RAD51B: variants seen among roughly 807,000 people sequenced by gnomAD.
RAD51B encodes the protein RAD51 paralog B, also known as DNA repair protein RAD51 homolog 2.
RAD51B carries 38 observed loss-of-function variants against 42.2 expected under a neutral mutation model. The observed-to-expected ratio is 0.90, with a 90% CI of 0.70 to 1.18. The LOEUF is 1.18. Among genes scored for constraint, RAD51B ranks in the 50% most tolerant of loss-of-function variants. RAD51B has a pLI of 0.00. For synonymous variants in RAD51B, 154 were observed against 145.2 expected (o/e 1.06, Z -0.43); for missense variants, 373 against 400.7 (o/e 0.93, Z 0.59).
intron 7 of RAD51B, among the ~76,000 whole-genome samples, chr14:68,070,576 T>A (rs1480618577): frequency 6.6e-6 from 1 of 152,198 alleles, no homozygotes; most frequent in Admixed American, 6.5e-5. Flanking sequence ...CTGTTGAAGA[T>A]CAGCTAGTTG....
At chr14:67,977,864 C>T (rs1346081849) in intron 7 of RAD51B, among the ~76,000 whole-genome samples, 1 of 152,152 alleles carries the variant, frequency 6.6e-6, no homozygotes, top group African/African-American at 2.4e-5. Context: ...CCAGTTCTTT[C>T]GGCCACTTTA....
intron 8 of RAD51B, among the ~76,000 whole-genome samples, chr14:68,340,268 A>T (rs1382874517): frequency 6.6e-6 from 1 of 152,180 alleles, no homozygotes; most frequent in Admixed American, 6.5e-5. Context: ...TATTCAGAGA[A>T]CCTGCAGACA....
At chr14:67,940,056 T>TATATATA (rs1566969343) in intron 7 of RAD51B, among the ~76,000 whole-genome samples, 27 of 8,642 alleles carry the variant, frequency 3.1e-3, no homozygotes, top group Non-Finnish European at 3.8e-3. Flanking sequence ...ATATATATAT[T>TATATATA]TTTTTTTTTT....
intron 8 of RAD51B, among the ~76,000 whole-genome samples, chr14:68,342,496 G>A (rs1217491559): frequency 3.3e-5 from 5 of 152,136 alleles, no homozygotes; most frequent in African/African-American, 4.8e-5. Flanking sequence ...GACGGGACAG[G>A]GGGCCCTGCC....
At position 67,958,375 on chromosome 14, in the gene RAD51B, G is replaced by A. The variant is rs145978968; in HGVS notation, c.756+71171G>A. ...TTTGAGTGCTTAGCCTGGCTAGGCA[G>A]CAGGCTTTTGCAAACACGGCTATAT... On this transcript the variant is annotated intron_variant, in intron 7 of 10. Transcript: ENST00000471583. 6.2e-4 allele frequency among the ~76,000 whole-genome samples: 95 copies of A among 152,296 alleles called. 1 individual carries two copies. Among genetic ancestry groups the A allele is most frequent in the African/African-American group, 1.9e-3 (77 of 41,562 alleles).
At chr14:67,979,369 T>C (rs1232861583) in intron 7 of RAD51B, among the ~76,000 whole-genome samples, 1 of 152,184 alleles carries the variant, frequency 6.6e-6, no homozygotes, top group Non-Finnish European at 1.5e-5. Context: ...TCAAGACATT[T>C]TAATAGTTTT....
At chr14:68,414,859 T>TA (rs33968049) in intron 9 of RAD51B, among the ~76,000 whole-genome samples, 4,533 of 71,212 alleles carry the variant, frequency 0.064, 204 homozygotes, top group Non-Finnish European at 0.091. Context: ...CCATCTCTAC[T>TA]AAAAAAAAAA....
At chr14:67,825,941 G>A (rs2040817980) in intron 3 of RAD51B, among the ~76,000 whole-genome samples, 1 of 152,010 alleles carries the variant, frequency 6.6e-6, no homozygotes, top group Admixed American at 6.6e-5. Flanking sequence ...TATTGGCCAG[G>A]CTGGTCTCAA....
At chr14:68,561,237 T>C (rs187245075) in intron 10 of RAD51B, among the ~76,000 whole-genome samples, 27 of 152,310 alleles carry the variant, frequency 1.8e-4, no homozygotes, top group Non-Finnish European at 2.6e-4. Flanking sequence ...TCCTAATTCA[T>C]TGGAAAGCCT....
chr14:68,528,011 A>T (rs1017341812), intron 10 of RAD51B, among the ~76,000 whole-genome samples: 2 of 152,182 alleles, frequency 1.3e-5, no homozygotes, highest in Admixed American at 6.5e-5. Flanking sequence ...TATTTTTTTT[A>T]AAAGTCTTCC....
chr14:67,957,122 C>CTA (rs1566977690), intron 7 of RAD51B, among the ~76,000 whole-genome samples: 1 of 152,130 alleles, frequency 6.6e-6, no homozygotes, highest in Non-Finnish European at 1.5e-5. Flanking sequence ...ATAAGCATCA[C>CTA]TATAAGAGGA....
chr14:67,882,453 G>A lies in RAD51B; in HGVS notation c.453-3416G>A, dbSNP rs116749348. Among the ~76,000 whole-genome samples, 1,359 of 152,078 alleles carry A rather than the reference G, an allele frequency of 8.9e-3. 22 individuals carry two copies. The highest frequency in any genetic ancestry group is 0.031 in the African/African-American group (1,280 of 41,506). ...CTGTACTCAATCCCTAATATCATCTGGTCTTATGATCTTTAAAATCTTTTA... is the reference window on the plus strand; with the variant it reads ...CTGTACTCAATCCCTAATATCATCTAGTCTTATGATCTTTAAAATCTTTTA... On this transcript the variant is annotated intron_variant, in intron 5 of 10. Transcript: ENST00000471583.
intron 7 of RAD51B, chr14:67,908,919 ATAT>A (rs1161273846): frequency 6.6e-6 from 1 of 152,188 alleles, no homozygotes; most frequent in African/African-American, 2.4e-5. Flanking sequence ...TTTCATAATA[ATAT>A]TAATAATTCT....
intron 7 of RAD51B, among the ~76,000 whole-genome samples, chr14:68,211,592 G>T (rs545359490): frequency 4.9e-4 from 75 of 152,346 alleles, no homozygotes; most frequent in African/African-American, 1.8e-3. Context: ...ATATGGTGGG[G>T]AAGGTTACTC....
intron 10 of RAD51B, among the ~76,000 whole-genome samples, chr14:68,495,653 C>T (rs1034490706): frequency 6.6e-6 from 1 of 152,192 alleles, no homozygotes; most frequent in Non-Finnish European, 1.5e-5. Flanking sequence ...TTCCTCTCTG[C>T]TCATATGCCC....
intron 7 of RAD51B, among the ~76,000 whole-genome samples, chr14:67,889,050 G>A (rs1462966706): frequency 1.3e-5 from 2 of 152,140 alleles, no homozygotes; most frequent in South Asian, 4.2e-4. Flanking sequence ...TGAGAAAGGG[G>A]CACTGCTTTT....
At chr14:68,484,338 T>C (rs1033094229) in intron 10 of RAD51B, among the ~76,000 whole-genome samples, 4 of 150,728 alleles carry the variant, frequency 2.7e-5, no homozygotes, top group Admixed American at 2.6e-4. Flanking sequence ...TAGTTACAGT[T>C]GGGCTATTTT....
At chr14:68,285,987 A>ATT (rs2139643403) in intron 7 of RAD51B, among the ~76,000 whole-genome samples, 1 of 152,354 alleles carries the variant, frequency 6.6e-6, no homozygotes, top group Admixed American at 6.5e-5. Flanking sequence ...CAGAGTCTGA[A>ATT]AAGACTTTTA....
chr14:68,578,035 G>A (rs564807435), intron 10 of RAD51B, among the ~76,000 whole-genome samples: 125 of 152,246 alleles, frequency 8.2e-4, no homozygotes, highest in Non-Finnish European at 1.4e-3. Context: ...CTTGTCAACA[G>A]CACATTGTCG....
Sources: gnomAD v4.1 joint callset for allele counts (sites outside exome capture counted in the v4.1 genomes callset) on GRCh38, gnomAD v4.1.1 for gene constraint, MANE v1.5 for transcripts, NCBI Gene and HGNC (gene_info 2026-07-23, HGNC 2026-07-21) for gene names.